The following RPH3A variants were observed in gnomAD, a reference collection of about 807,000 sequenced individuals.
RPH3A encodes rabphilin 3A, also known as rabphilin-3A.
In RPH3A, 48 loss-of-function variants were observed where a neutral mutation model predicts 102.2. The ratio of observed to expected loss-of-function variants is 0.47; its 90% CI spans 0.37 to 0.60. The LOEUF (loss-of-function observed/expected upper bound fraction) is 0.60. Ranked by LOEUF, RPH3A falls within the 20% of genes least tolerant of loss-of-function variation. The pLI, the probability that RPH3A is intolerant of heterozygous loss-of-function variation, is 0.00. For missense variants in RPH3A, 781 were observed against 910.1 expected, an observed-to-expected ratio of 0.86 and a Z score of 1.83; for synonymous variants, 310 against 324.3, an observed-to-expected ratio of 0.96 and a Z score of 0.47.
intron 1 of RPH3A, among the ~76,000 whole-genome samples, chr12:112,670,245 C>A (rs547509521): frequency 2.6e-5 from 4 of 152,246 alleles, no homozygotes; most frequent in African/African-American, 7.2e-5. Flanking sequence ...TGCAGTGGTG[C>A]AATCTCGGCT....
intron 1 of RPH3A, among the ~76,000 whole-genome samples, chr12:112,716,909 T>A (rs958793481): frequency 2.0e-5 from 3 of 152,232 alleles, no homozygotes; most frequent in African/African-American, 7.2e-5. Context: ...TATGGCCTAG[T>A]GGACAAGACA....
chr12:112,681,230 T>A (rs2040224070), intron 1 of RPH3A, among the ~76,000 whole-genome samples: 2 of 152,198 alleles, frequency 1.3e-5, no homozygotes, highest in African/African-American at 4.8e-5. Context: ...CGCTTCTCAC[T>A]TCCAATCATC....
At chr12:112,769,860 A>T (rs1393263139) in intron 1 of RPH3A, among the ~76,000 whole-genome samples, 1 of 152,242 alleles carries the variant, frequency 6.6e-6, no homozygotes, top group African/African-American at 2.4e-5. Context: ...AAATAAGGCT[A>T]ACATCATCTT....
At chr12:112,752,778 T>G (rs2040793527) in intron 1 of RPH3A, among the ~76,000 whole-genome samples, 1 of 152,026 alleles carries the variant, frequency 6.6e-6, no homozygotes, top group Non-Finnish European at 1.5e-5. Flanking sequence ...ATATGTATTT[T>G]TAAAGAAAAT....
intron 1 of RPH3A, among the ~76,000 whole-genome samples, chr12:112,727,442 T>C (rs1489169841): frequency 2.1e-5 from 2 of 93,784 alleles, no homozygotes; most frequent in Non-Finnish European, 3.7e-5. Context: ...CACACATACA[T>C]ACACACACAG....
chr12:112,861,010 G>A (rs996176847), intron 5 of RPH3A, among the ~76,000 whole-genome samples: 2 of 152,120 alleles, frequency 1.3e-5, no homozygotes. Context: ...TAAAACCCTG[G>A]AACCAACTTT....
intron 19 of RPH3A, among the ~76,000 whole-genome samples, chr12:112,891,970 T>C (rs1274344923): frequency 2.0e-5 from 3 of 152,246 alleles, no homozygotes; most frequent in Non-Finnish European, 4.4e-5. Flanking sequence ...AGCTTCTCAT[T>C]CAGTTTCTTC....
At chr12:112,590,791 C>A (rs567385370) in intron 1 of RPH3A, among the ~76,000 whole-genome samples, 175 of 152,118 alleles carry the variant, frequency 1.2e-3, no homozygotes, top group Non-Finnish European at 1.3e-3. Flanking sequence ...TTAGGTGATA[C>A]TGAGGAGCAC....
intron 16 of RPH3A, among the ~76,000 whole-genome samples, chr12:112,887,156 T>C (rs2043014879): frequency 6.6e-6 from 1 of 152,172 alleles, no homozygotes; most frequent in Non-Finnish European, 1.5e-5. Context: ...CCTAGGAAAA[T>C]ACTCAATAGA....
chr12:112,709,842 T>C (rs2040448215), intron 1 of RPH3A, among the ~76,000 whole-genome samples: 1 of 152,144 alleles, frequency 6.6e-6, no homozygotes, highest in Non-Finnish European at 1.5e-5. Context: ...GGGCGCTGAT[T>C]ATCCCCCCAC....
intron 1 of RPH3A, among the ~76,000 whole-genome samples, chr12:112,609,055 A>G (rs1381518995): frequency 3.3e-5 from 5 of 152,236 alleles, no homozygotes; most frequent in African/African-American, 1.2e-4. Context: ...ATCTCATTGG[A>G]CGATGCCAGA....
intron 5 of RPH3A, among the ~76,000 whole-genome samples, chr12:112,859,088 G>A (rs1014710092): frequency 6.6e-6 from 1 of 152,150 alleles, no homozygotes; most frequent in African/African-American, 2.4e-5. Context: ...CATTAGATAG[G>A]TAAACAAAAC....
At chr12:112,845,008 G>A (rs1050421088) in intron 4 of RPH3A, among the ~76,000 whole-genome samples, 1 of 152,228 alleles carries the variant, frequency 6.6e-6, no homozygotes, top group Non-Finnish European at 1.5e-5. Flanking sequence ...GGCTGTTTGA[G>A]TGTCCTCACA....
chr12:112,777,728 T>A (rs2040978232), intron 1 of RPH3A, among the ~76,000 whole-genome samples: 1 of 152,210 alleles, frequency 6.6e-6, no homozygotes, highest in South Asian at 2.1e-4. Context: ...ATTGTTTATT[T>A]TTACTTCCAA....
At chr12:112,771,008 A>G (rs926079154) in intron 1 of RPH3A, among the ~76,000 whole-genome samples, 3 of 152,238 alleles carry the variant, frequency 2.0e-5, no homozygotes, top group Non-Finnish European at 2.9e-5. Context: ...TAAATTATGC[A>G]TATACACACA....
rs1227169380 is a variant in RPH3A, at chr12:112,698,166, C to T, written c.-139-93977C>T. 2.6e-5 allele frequency among the ~76,000 whole-genome samples: 4 copies of T among 152,154 alleles called. No individual in the cohort carries two copies. The South Asian group carries it at 6.2e-4, about 24-fold the overall frequency. On this transcript the variant is annotated intron_variant, in intron 1 of 21. Coordinates refer to the RPH3A transcript ENST00000543106. ...GACAGTCCAATGAAGAAATAATAGTCTTTTCAACAAATTGTGCTAGGACAA... is the reference window on the plus strand; with the variant it reads ...GACAGTCCAATGAAGAAATAATAGTTTTTTCAACAAATTGTGCTAGGACAA...
intron 1 of RPH3A, among the ~76,000 whole-genome samples, chr12:112,695,495 A>G (rs1335064223): frequency 6.6e-6 from 1 of 152,258 alleles, no homozygotes; most frequent in African/African-American, 2.4e-5. Flanking sequence ...GCTATAGCTC[A>G]CTGGGAAATC....
chr12:112,591,341 C>G (rs1413385776), intron 1 of RPH3A, among the ~76,000 whole-genome samples: 1 of 152,220 alleles, frequency 6.6e-6, no homozygotes, highest in Non-Finnish European at 1.5e-5. Flanking sequence ...CCACCTCAGC[C>G]TCTCAAAGTG....
chr12:112,642,461 CACTT>C (rs2039897506), intron 1 of RPH3A, among the ~76,000 whole-genome samples: 2 of 152,308 alleles, frequency 1.3e-5, no homozygotes, highest in Middle Eastern at 3.4e-3. Flanking sequence ...TTTGGAGACA[CACTT>C]ACACTAAAAA....
Sources: allele counts gnomAD v4.1 joint callset (sites outside exome capture counted in the v4.1 genomes callset), GRCh38; gene constraint gnomAD v4.1.1; transcripts MANE v1.5; gene names NCBI Gene and HGNC (gene_info 2026-07-23, HGNC 2026-07-21).